PTK2: variants seen among roughly 807,000 people sequenced by gnomAD.
PTK2 encodes protein tyrosine kinase 2.
PTK2 carries 45 observed loss-of-function variants against 150.1 expected under a neutral mutation model. That is an observed-to-expected ratio of 0.30 (90% confidence interval 0.24 to 0.38). PTK2 has a LOEUF of 0.38. Among genes scored for constraint, PTK2 ranks in the 10% least tolerant of loss-of-function variants. The pLI is 1.00. For synonymous variants in PTK2, 432 were observed against 449.2 expected (o/e 0.96, Z 0.48); for missense variants, 919 against 1,307.3 (o/e 0.70, Z 4.58).
intron 27 of PTK2, among the ~76,000 whole-genome samples, chr8:140,680,572 G>A (rs917580924): frequency 2.0e-5 from 3 of 152,132 alleles, no homozygotes; most frequent in African/African-American, 7.2e-5. Context: ...AGTACCTTCT[G>A]TGGGCCACAC....
intron 14 of PTK2, among the ~76,000 whole-genome samples, chr8:140,772,240 T>G (rs1314236468): frequency 1.3e-5 from 2 of 152,110 alleles, no homozygotes; most frequent in Non-Finnish European, 1.5e-5. Context: ...CCAGCCTGTG[T>G]AACATAGCAA....
chr8:140,678,372 G>C (rs1341121444), intron 27 of PTK2, among the ~76,000 whole-genome samples: 2 of 151,346 alleles, frequency 1.3e-5, no homozygotes, highest in African/African-American at 2.4e-5. Context: ...TCTGAGACAG[G>C]GTATTACTCT....
chr8:140,903,495 T>C (rs2100159613), intron 2 of PTK2, among the ~76,000 whole-genome samples: 1 of 152,210 alleles, frequency 6.6e-6, no homozygotes, highest in Non-Finnish European at 1.5e-5. Flanking sequence ...GGCTCTTTTT[T>C]GGTTCCGTAT....
intron 7 of PTK2, among the ~76,000 whole-genome samples, chr8:140,837,424 T>C (rs2100119365): frequency 1.3e-5 from 2 of 152,228 alleles, no homozygotes; most frequent in South Asian, 4.1e-4. Context: ...GTAGTACTAG[T>C]ATAACTCAAA....
At chr8:140,836,972 C>A (rs1362002436) in intron 7 of PTK2, among the ~76,000 whole-genome samples, 1 of 152,140 alleles carries the variant, frequency 6.6e-6, no homozygotes, top group Non-Finnish European at 1.5e-5. Context: ...GGAATAATTA[C>A]TGGAAAATAA....
At chr8:140,941,135 T>C (rs1000830086) in intron 1 of PTK2, among the ~76,000 whole-genome samples, 3 of 152,208 alleles carry the variant, frequency 2.0e-5, no homozygotes, top group African/African-American at 4.8e-5. Context: ...CAACCGGAAC[T>C]GTCACCAATT....
intron 8 of PTK2, among the ~76,000 whole-genome samples, chr8:140,825,468 A>C (rs1221376671): frequency 6.6e-6 from 1 of 152,242 alleles, no homozygotes; most frequent in Non-Finnish European, 1.5e-5. Context: ...CTTGAGAATC[A>C]GATACTAAAA....
chr8:140,911,908 C>T (rs938221690), intron 2 of PTK2, among the ~76,000 whole-genome samples: 1 of 152,038 alleles, frequency 6.6e-6, no homozygotes. Context: ...TACAAATAAT[C>T]TGCACAAAGT....
chr8:140,879,664 C>G, intron 3 of PTK2, 27 bp from the exon 4 acceptor site: 3 of 153,004 alleles, frequency 2.0e-5, no homozygotes, highest in Non-Finnish European at 2.6e-5. Context: ...ACAAGAATGA[C>G]TGTTATAAAC....
At chr8:140,953,664 T>C (rs552565345) in intron 1 of PTK2, among the ~76,000 whole-genome samples, 6 of 152,190 alleles carry the variant, frequency 3.9e-5, no homozygotes, top group Non-Finnish European at 8.8e-5. Context: ...GCAGCTAACA[T>C]TGGGTAACTG....
At chr8:140,746,092 G>A (rs370260082) in intron 18 of PTK2, among the ~76,000 whole-genome samples, 102 of 152,172 alleles carry the variant, frequency 6.7e-4, no homozygotes, top group African/African-American at 2.3e-3. Flanking sequence ...AACACTTTGC[G>A]AGGCCGAGGC....
intron 7 of PTK2, among the ~76,000 whole-genome samples, chr8:140,830,985 T>C (rs987700358): frequency 1.3e-5 from 2 of 152,126 alleles, no homozygotes; most frequent in African/African-American, 4.8e-5. Context: ...CTTAGGTTTA[T>C]CCTAAAAGTT....
intron 2 of PTK2, among the ~76,000 whole-genome samples, chr8:140,908,696 C>A (rs2154607919): frequency 6.6e-6 from 1 of 152,086 alleles, no homozygotes; most frequent in South Asian, 2.1e-4. Flanking sequence ...TGGGGGGGGA[C>A]ACAGCCAAAC....
At chr8:140,809,609 A>G (rs1426755127) in intron 10 of PTK2, among the ~76,000 whole-genome samples, 1 of 152,200 alleles carries the variant, frequency 6.6e-6, no homozygotes, top group Non-Finnish European at 1.5e-5. Flanking sequence ...GTTTGAGACC[A>G]GCTTGGGCAA....
At chr8:140,797,144 T>C (rs202009557) in intron 12 of PTK2, among the ~76,000 whole-genome samples, 1 of 31,204 alleles carries the variant, frequency 3.2e-5, no homozygotes, top group Non-Finnish European at 4.8e-5. Context: ...TGAGTCATTC[T>C]GGCATTCTCC....
chr8:140,739,139 C>T, intron 20 of PTK2, 32 bp from the exon 24 acceptor site: 1 of 1,416,496 alleles, frequency 7.1e-7, no homozygotes, highest in Non-Finnish European at 9.6e-7. Flanking sequence ...ATAAATTTTC[C>T]TTGTTATCTG....
In PTK2 at chr8:140,764,388, C is replaced by G. The variant is rs2100071125; in HGVS notation, c.1178-98G>C. On this transcript the variant is annotated intron_variant, in intron 14 of 31. Transcript: ENST00000522684. ...AGGCAAAGCGATCTGCTTAAATCCT[C>G]TACTACGCTGAAATATTCTTAAAAC... is the stretch of plus-strand genomic sequence containing the variant. 5 of 893,068 alleles carry G rather than the reference C, an allele frequency of 5.6e-6. No individual in the cohort carries two copies. In the East Asian group the frequency reaches 9.7e-5, roughly 17 times the overall value. The allele number at this position is 893,068 out of a possible 1,614,324, so 55.3% of individuals were successfully genotyped here. A position where few individuals can be genotyped will look rare whatever the true frequency, so the allele number is the denominator to read the frequency against.
chr8:140,966,299 A>G (rs1393398357), intron 1 of PTK2, among the ~76,000 whole-genome samples: 9 of 152,240 alleles, frequency 5.9e-5, no homozygotes, highest in Non-Finnish European at 1.3e-4. Flanking sequence ...GAATGGATAC[A>G]CTGGCATTGA....
chr8:140,693,684 A>G (rs1382705680), intron 26 of PTK2, among the ~76,000 whole-genome samples: 1 of 151,530 alleles, frequency 6.6e-6, no homozygotes, highest in Non-Finnish European at 1.5e-5. Flanking sequence ...ATCATAAAAC[A>G]CATTCTGTGC....
Sources: gnomAD v4.1 joint callset for allele counts (sites outside exome capture counted in the v4.1 genomes callset) on GRCh38, gnomAD v4.1.1 for gene constraint, MANE v1.5 for transcripts, NCBI Gene and HGNC (gene_info 2026-07-23, HGNC 2026-07-21) for gene names.